Variants in CHID1 observed in about 807,000 individuals in gnomAD.
CHID1 encodes chitinase domain-containing protein 1.
CHID1 carries 44 observed loss-of-function variants against 55.4 expected under a neutral mutation model. The observed-to-expected ratio is 0.79, with a 90% confidence interval of 0.62 to 1.02. The LOEUF (loss-of-function observed/expected upper bound fraction) is 1.02, where lower values mean the gene tolerates loss of function less well. Among genes scored for constraint, CHID1 ranks in the 50% least tolerant of loss-of-function variants. The pLI is 0.00. For synonymous variants in CHID1, 216 were observed against 212.9 expected, an observed-to-expected ratio of 1.01 and a Z score of -0.13; for missense variants, 491 against 515.3, an observed-to-expected ratio of 0.95 and a Z score of 0.46.
intron 1 of CHID1, 127 bp from the exon 2 acceptor site, chr11:904,986 G>C: frequency 9.6e-7 from 1 of 1,040,374 alleles, no homozygotes; most frequent in South Asian, 1.5e-5. Flanking sequence ...TGGACCCTTG[G>C]CCACTGGGAC....
intron 7 of CHID1, among the ~76,000 whole-genome samples, chr11:896,478 C>CT (rs1851305361): frequency 7.0e-6 from 1 of 141,992 alleles, no homozygotes; most frequent in Admixed American, 6.8e-5. Context: ...TCAGCACCCC[C>CT]AGCCTCCACC....
At chr11:883,995 G>GC (rs1190923819) in intron 9 of CHID1, 73 bp downstream of exon 9, 3 of 1,185,720 alleles carry the variant, frequency 2.5e-6, no homozygotes, top group Non-Finnish European at 2.5e-6. Flanking sequence ...GTGCCCAGGA[G>GC]CCCCCCAGGT....
chr11:907,147 C>T (rs185652057), intron 1 of CHID1, among the ~76,000 whole-genome samples: 44 of 152,214 alleles, frequency 2.9e-4, no homozygotes, highest in Admixed American at 3.3e-4. Flanking sequence ...ACTTTTATTA[C>T]ACTGTTCACT....
chr11:900,079 G>GTT lies in CHID1; in HGVS notation c.470_471insAA (p.Tyr157Ter), dbSNP rs150709236. The GTT allele has an allele frequency of 6.2e-7, 1 of 1,613,966 alleles. No individual in the cohort carries two copies. The highest frequency in any genetic ancestry group is 8.5e-7 in the Non-Finnish European group (1 of 1,179,978). ...VPRLLFEDWT[Y>*]DDFRNVLDSE... ...TGTCTAAGACGTTCCGGAAATCATC[G>GTT]TAAGTCCAGTCCTCAAACAGGAGCC... The change falls in exon 6 of 13, where the codon TAC becomes TAAAC. Residue 157 changes from tyrosine to a stop codon, truncating the protein, a stop_gained and frameshift_variant. Transcript: ENST00000323578. LOFTEE classifies it high-confidence loss of function.
Position 869,563 on chromosome 11 carries a change from C to T in CHID1, c.*295G>A. On this transcript the variant is annotated 3_prime_UTR_variant, in exon 13 of 13. Transcript: ENST00000323578. ...AGAAGCAGCCCAGAAAGGCCTGAGC[C>T]AGGCTGTCCTGGTGGGGCAGGTACT... 3 of 522,082 alleles carry T rather than the reference C, an allele frequency of 5.7e-6. No homozygotes were observed. In the South Asian group the frequency reaches 7.0e-5, roughly 12 times the overall value. 32.3% of individuals were successfully genotyped at this position (522,082 alleles called of 1,614,324 possible).
intron 1 of CHID1, chr11:908,603 A>C (rs918685818): frequency 1.0e-6 from 1 of 985,362 alleles, no homozygotes; most frequent in Non-Finnish European, 1.2e-6. Flanking sequence ...ACCCCAGCCC[A>C]TTCCATGACC....
chr11:877,174 T>C (rs929073628), intron 10 of CHID1, among the ~76,000 whole-genome samples: 3 of 152,172 alleles, frequency 2.0e-5, no homozygotes, highest in Non-Finnish European at 4.4e-5. Context: ...CACGCTCACA[T>C]ACACACCTTT....
intron 8 of CHID1, among the ~76,000 whole-genome samples, chr11:887,963 G>A (rs1174988967): frequency 1.3e-5 from 2 of 152,178 alleles, no homozygotes; most frequent in Non-Finnish European, 2.9e-5. Flanking sequence ...CAGAAACCAC[G>A]AATGCTCCCC....
chr11:907,510 A>G lies in CHID1; in HGVS notation c.-43-2651T>C, dbSNP rs191608075. On this transcript the variant is annotated intron_variant, in intron 1 of 12. Coordinates refer to ENST00000323578, the MANE Select transcript of CHID1 (RefSeq NM_023947.4). ...AAAAAAAAAAGTGATTCTACTTTCTATCTTTCACTGGGGTTGGGGGCAGCG... is the reference window on the plus strand; with the variant it reads ...AAAAAAAAAAGTGATTCTACTTTCTGTCTTTCACTGGGGTTGGGGGCAGCG... Among the ~76,000 whole-genome samples the G allele has an allele frequency of 1.9e-3, 288 of 151,974 alleles. 1 individual carries two copies. The highest frequency in any genetic ancestry group is 6.6e-3 in the African/African-American group (275 of 41,466).
intron 1 of CHID1, among the ~76,000 whole-genome samples, chr11:906,618 G>A (rs1012206942): frequency 1.3e-5 from 2 of 152,112 alleles, no homozygotes; most frequent in African/African-American, 2.4e-5. Flanking sequence ...GTGGTGTGCC[G>A]GTCAATGAAG....
At chr11:904,409 AGGT>A (rs1161761381) in intron 2 of CHID1, among the ~76,000 whole-genome samples, 1 of 152,164 alleles carries the variant, frequency 6.6e-6, no homozygotes, top group Admixed American at 6.5e-5. Context: ...TATAAACGAG[AGGT>A]AGAGCATGGA....
rs190777729 is a variant in CHID1 at position 890,864 on chromosome 11, A to G, written c.701+2563T>C. Reference sequence around the variant, plus strand: ...CTGCCTCTGTCTGCTGACGAAGGACACGATAAAATTGGCATTTGGCGACTG... The same window carrying G: ...CTGCCTCTGTCTGCTGACGAAGGACGCGATAAAATTGGCATTTGGCGACTG... On this transcript the variant is annotated intron_variant, in intron 8 of 12. Transcript: ENST00000323578. Among the ~76,000 whole-genome samples the G allele has an allele frequency of 5.3e-5, 8 of 152,208 alleles. 1 individual carries two copies. The highest frequency in any genetic ancestry group is 5.2e-4 in the Admixed American group (8 of 15,300).
At chr11:898,838 C>T (rs1036178583) in intron 7 of CHID1, among the ~76,000 whole-genome samples, 5 of 152,190 alleles carry the variant, frequency 3.3e-5, no homozygotes, top group Non-Finnish European at 7.4e-5. Context: ...GGCCGCCTCC[C>T]GGTGGAGTGG....
chr11:913,093 G>T (rs1852784821), upstream of CHID1, among the ~76,000 whole-genome samples: 2 of 151,902 alleles, frequency 1.3e-5, no homozygotes, highest in African/African-American at 4.8e-5. Context: ...AGGTGCAGTG[G>T]CTGACCCCTG....
chr11:911,998 G>C (rs887035482), upstream of CHID1, among the ~76,000 whole-genome samples: 6 of 152,230 alleles, frequency 3.9e-5, no homozygotes, highest in Admixed American at 1.3e-4. Context: ...GCCATTTTAG[G>C]ATCTCATTGA....
intron 8 of CHID1, among the ~76,000 whole-genome samples, chr11:891,553 T>C (rs1344134696): frequency 6.6e-6 from 1 of 152,130 alleles, no homozygotes; most frequent in African/African-American, 2.4e-5. Context: ...TGCCCTGGGC[T>C]CCTGAGCTGG....
At chr11:893,218 T>G (rs995291455) in intron 8 of CHID1, among the ~76,000 whole-genome samples, 4 of 152,228 alleles carry the variant, frequency 2.6e-5, no homozygotes, top group Non-Finnish European at 5.9e-5. Flanking sequence ...CCCCCAGGTC[T>G]GCCCCTGGGA....
intron 3 of CHID1, among the ~76,000 whole-genome samples, chr11:902,703 A>G (rs1851909515): frequency 6.6e-6 from 1 of 152,074 alleles, no homozygotes; most frequent in Non-Finnish European, 1.5e-5. Context: ...CTGACCCCAG[A>G]CGACCTGCGA....
intron 8 of CHID1, among the ~76,000 whole-genome samples, chr11:889,860 C>T (rs1262884946): frequency 6.6e-6 from 1 of 152,234 alleles, no homozygotes; most frequent in Non-Finnish European, 1.5e-5. Context: ...CAGCCAGCGG[C>T]CACAGCTGTT....
Sources: allele counts gnomAD v4.1 joint callset (sites outside exome capture counted in the v4.1 genomes callset), GRCh38; gene constraint gnomAD v4.1.1; transcripts MANE v1.5; gene names NCBI Gene and HGNC (gene_info 2026-07-23, HGNC 2026-07-21).